MYO5B: variants seen among roughly 807,000 people sequenced by gnomAD.
MYO5B encodes unconventional myosin-Vb.
A neutral mutation model predicts 229.3 loss-of-function variants in MYO5B; 143 were observed. That is an observed-to-expected ratio of 0.62 (90% CI 0.54 to 0.72). The LOEUF (loss-of-function observed/expected upper bound fraction) is 0.72, where lower values mean the gene tolerates loss of function less well. MYO5B is among the 30% of genes least tolerant of loss of function. MYO5B has a pLI of 0.00. For missense variants in MYO5B, 2,321 were observed against 2,331.0 expected, an observed-to-expected ratio of 1.00 and a Z score of 0.09; for synonymous variants, 918 against 885.2, an observed-to-expected ratio of 1.04 and a Z score of -0.66.
intron 17 of MYO5B, among the ~76,000 whole-genome samples, chr18:49,922,214 G>C (rs1217610): frequency 0.8 from 121,552 of 152,190 alleles, 48,687 homozygotes; most frequent in East Asian, 0.95. Flanking sequence ...TTGTTGGGCA[G>C]ACAGTATCCA....
intron 1 of MYO5B, among the ~76,000 whole-genome samples, chr18:50,117,306 A>C (rs1256775151): frequency 6.6e-6 from 1 of 152,138 alleles, no homozygotes; most frequent in African/African-American, 2.4e-5. Context: ...CATGAATTCC[A>C]AACTCTATGG....
intron 1 of MYO5B, among the ~76,000 whole-genome samples, chr18:50,181,633 G>C (rs2033075269): frequency 6.6e-6 from 1 of 152,218 alleles, no homozygotes; most frequent in South Asian, 2.1e-4. Context: ...TACAGCATCT[G>C]CAGCCCTCTG....
At chr18:50,103,678 C>T (rs1359002388) in intron 1 of MYO5B, among the ~76,000 whole-genome samples, 1 of 152,090 alleles carries the variant, frequency 6.6e-6, no homozygotes, top group Non-Finnish European at 1.5e-5. Flanking sequence ...CAGTTTGGGG[C>T]TGCAGTGAGC....
intron 17 of MYO5B, among the ~76,000 whole-genome samples, chr18:49,916,531 T>C (rs948843043): frequency 2.6e-5 from 4 of 152,200 alleles, no homozygotes; most frequent in African/African-American, 9.6e-5. Context: ...AATTCTCTTG[T>C]TTCCTGCCTA....
rs1790797 is a variant in MYO5B at position 49,937,217 on chromosome 18, A to G, written c.1905+28T>C. The G allele has an allele frequency of 0.7, 1,135,806 of 1,613,062 alleles. 402,922 individuals are homozygous for G. Among genetic ancestry groups the G allele is most frequent in the Middle Eastern group, 0.84 (5,045 of 6,040 alleles). On this transcript the variant is annotated intron_variant, in intron 15 of 39. Transcript: ENST00000285039. ...GAGGCCAGCCCTGCACATGCACCTC[A>G]GCCCATAGCTTTTGGTCCGGGGCTG...
intron 26 of MYO5B, among the ~76,000 whole-genome samples, chr18:49,875,286 A>C (rs910686878): frequency 1.3e-5 from 2 of 152,184 alleles, no homozygotes; most frequent in East Asian, 1.9e-4. Context: ...CCTCTGACCC[A>C]AAAAGGCTGA....
intron 1 of MYO5B, among the ~76,000 whole-genome samples, chr18:50,182,801 G>A (rs1044452938): frequency 6.6e-6 from 1 of 152,146 alleles, no homozygotes; most frequent in African/African-American, 2.4e-5. Context: ...GTGAGGAGAG[G>A]ACTTTCCTCA....
At chr18:49,848,338 A>G (rs975711726) in intron 32 of MYO5B, among the ~76,000 whole-genome samples, 1 of 151,172 alleles carries the variant, frequency 6.6e-6, no homozygotes, top group Non-Finnish European at 1.5e-5. Context: ...GGCTGGAAGG[A>G]CCCCACAGAA....
chr18:49,929,465 C>T (rs780089549), intron 17 of MYO5B, 47 bp downstream of exon 17: 1 of 1,517,246 alleles, frequency 6.6e-7, no homozygotes, highest in African/African-American at 1.4e-5. Flanking sequence ...CAAACTCTGG[C>T]TGCTCTAGGG....
At chr18:49,877,652 C>T (rs532600743) in intron 25 of MYO5B, 111 bp downstream of exon 25, 513 of 1,446,418 alleles carry the variant, frequency 3.5e-4, no homozygotes, top group Non-Finnish European at 4.7e-4. Context: ...AGCCCCTGGG[C>T]ACTCTGGTCA....
intron 1 of MYO5B, among the ~76,000 whole-genome samples, chr18:50,127,871 G>C (rs982927650): frequency 3.3e-5 from 5 of 152,186 alleles, no homozygotes; most frequent in Non-Finnish European, 5.9e-5. Context: ...AACCCAATTA[G>C]AACAAAAAGT....
intron 4 of MYO5B, among the ~76,000 whole-genome samples, chr18:50,023,433 T>A (rs1239258946): frequency 1.3e-5 from 2 of 152,158 alleles, no homozygotes; most frequent in African/African-American, 4.8e-5. Flanking sequence ...TCAACCATCA[T>A]AGTATGAAGC....
At chr18:49,970,053 G>A (rs2025674198) in intron 10 of MYO5B, 1 of 152,204 alleles carries the variant, frequency 6.6e-6, no homozygotes, top group Non-Finnish European at 1.5e-5. Context: ...TCAAAGAGAG[G>A]ATAGGAACAA....
At chr18:50,183,805 T>C (rs999852076) in intron 1 of MYO5B, among the ~76,000 whole-genome samples, 1 of 152,112 alleles carries the variant, frequency 6.6e-6, no homozygotes, top group Non-Finnish European at 1.5e-5. Context: ...ATGAATGGTA[T>C]GGTGCTGTTC....
intron 1 of MYO5B, among the ~76,000 whole-genome samples, chr18:50,165,351 C>T (rs965348817): frequency 5.3e-5 from 8 of 152,154 alleles, no homozygotes; most frequent in African/African-American, 1.7e-4. Flanking sequence ...GGCACGGTGG[C>T]AGATGCCTAT....
chr18:49,953,894 A>ATGTGTGTGTGTGTGTGTGTGTGTG (rs71169463), intron 13 of MYO5B, among the ~76,000 whole-genome samples: 1 of 108,472 alleles, frequency 9.2e-6, no homozygotes, highest in African/African-American at 3.0e-5. Context: ...ATATACATAT[A>ATGTGTGTGTGTGTGTGTGTGTGTG]TGTGTGTGTG....
chr18:50,175,214 C>T (rs369430682), intron 1 of MYO5B, among the ~76,000 whole-genome samples: 2 of 152,222 alleles, frequency 1.3e-5, no homozygotes, highest in Non-Finnish European at 2.9e-5. Flanking sequence ...AGACGCCACA[C>T]CATGCCTGCC....
At chr18:50,172,096 C>T (rs998075930) in intron 1 of MYO5B, among the ~76,000 whole-genome samples, 3 of 152,068 alleles carry the variant, frequency 2.0e-5, no homozygotes, top group Non-Finnish European at 4.4e-5. Flanking sequence ...GCCTGCACAA[C>T]AAGGCAAGAC....
chr18:50,016,986 C>T (rs953377829), intron 4 of MYO5B, among the ~76,000 whole-genome samples: 4 of 151,962 alleles, frequency 2.6e-5, no homozygotes, highest in African/African-American at 9.7e-5. Flanking sequence ...TCTACTCCCC[C>T]AATCTACCCT....
Sources: gnomAD v4.1 joint callset for allele counts (sites outside exome capture counted in the v4.1 genomes callset) on GRCh38, gnomAD v4.1.1 for gene constraint, MANE v1.5 for transcripts, NCBI Gene and HGNC (gene_info 2026-07-23, HGNC 2026-07-21) for gene names.